Variants in ANXA4 observed in about 807,000 individuals in gnomAD.
The protein encoded by ANXA4 is 35-beta calcimedin.
ANXA4 carries 39 observed loss-of-function variants against 49.8 expected under a neutral mutation model. The ratio of observed to expected loss-of-function variants is 0.78; its 90% CI spans 0.61 to 1.02. The LOEUF (loss-of-function observed/expected upper bound fraction) is 1.02, where lower values mean the gene tolerates loss of function less well. Ranked by LOEUF, ANXA4 falls within the 50% of genes least tolerant of loss-of-function variation. The pLI is 0.00. For synonymous variants in ANXA4, 134 were observed against 152.5 expected (o/e 0.88, Z 0.89); for missense variants, 360 against 410.1 (o/e 0.88, Z 1.05).
intron 2 of ANXA4, among the ~76,000 whole-genome samples, chr2:69,668,942 T>C (rs1677046667): frequency 6.6e-6 from 1 of 152,006 alleles, no homozygotes; most frequent in Non-Finnish European, 1.5e-5. Context: ...TGAGCCTTTT[T>C]TTTTTTTTCT....
intron 3 of ANXA4, among the ~76,000 whole-genome samples, chr2:69,800,854 A>T (rs1285349711): frequency 6.6e-6 from 1 of 152,154 alleles, no homozygotes; most frequent in East Asian, 1.9e-4. Flanking sequence ...ACACACAAAG[A>T]GTGAGGTTAA....
At chr2:69,720,233 A>T (rs534342642) in intron 2 of ANXA4, among the ~76,000 whole-genome samples, 2 of 152,194 alleles carry the variant, frequency 1.3e-5, no homozygotes, top group East Asian at 3.9e-4. Context: ...CTCTGCCTTC[A>T]ATTTTCCCCT....
intron 2 of ANXA4, among the ~76,000 whole-genome samples, chr2:69,691,579 A>G (rs200710759): frequency 5.4e-5 from 6 of 111,792 alleles, no homozygotes; most frequent in African/African-American, 1.6e-4. Flanking sequence ...ACATGCACAC[A>G]CACACACACA....
intron 2 of ANXA4, among the ~76,000 whole-genome samples, chr2:69,783,427 G>A (rs980059848): frequency 4.6e-5 from 7 of 152,076 alleles, no homozygotes; most frequent in South Asian, 2.1e-4. Flanking sequence ...GTGTTGGCCA[G>A]GCTGGTCTCG....
intron 3 of ANXA4, among the ~76,000 whole-genome samples, chr2:69,722,842 A>G (rs1669848992): frequency 6.6e-6 from 1 of 152,122 alleles, no homozygotes; most frequent in African/African-American, 2.4e-5. Flanking sequence ...ACTAAAGACA[A>G]TAGAAAAAAG....
intron 3 of ANXA4, among the ~76,000 whole-genome samples, chr2:69,801,737 A>G (rs922163942): frequency 3.3e-5 from 5 of 152,032 alleles, no homozygotes; most frequent in Admixed American, 2.6e-4. Flanking sequence ...ATTTCTTTCT[A>G]TCTCCTGTAT....
intron 1 of ANXA4, among the ~76,000 whole-genome samples, chr2:69,779,471 T>G (rs1325056013): frequency 1.3e-5 from 2 of 152,090 alleles, no homozygotes; most frequent in African/African-American, 2.4e-5. Flanking sequence ...GATAAAGTCT[T>G]CCTTCCAGAC....
intron 8 of ANXA4, among the ~76,000 whole-genome samples, chr2:69,814,506 G>A (rs1392954361): frequency 6.6e-6 from 1 of 151,580 alleles, no homozygotes; most frequent in East Asian, 1.9e-4. Flanking sequence ...CATCATGCCT[G>A]GCTAAGTTTT....
intron 2 of ANXA4, chr2:69,674,032 C>T (rs1293463234): frequency 1.3e-5 from 2 of 151,622 alleles, no homozygotes; most frequent in Non-Finnish European, 2.9e-5. Flanking sequence ...CCTGCGGCCA[C>T]CCTGCGTGCC....
intron 1 of ANXA4, among the ~76,000 whole-genome samples, chr2:69,650,654 ATG>A (rs1553425987): frequency 2.0e-5 from 3 of 152,076 alleles, no homozygotes; most frequent in Non-Finnish European, 1.5e-5. Context: ...GGGTGTTTCT[ATG>A]TTGCCTAGTC....
chr2:69,740,278 A>G (rs955081086), upstream of ANXA4, among the ~76,000 whole-genome samples: 3 of 151,962 alleles, frequency 2.0e-5, no homozygotes, highest in Admixed American at 2.0e-4. Flanking sequence ...TCCTAGCCTC[A>G]AGCAACCACC....
At chr2:69,794,522 ATTATG>A (rs58396740) in intron 3 of ANXA4, among the ~76,000 whole-genome samples, 8,474 of 126,196 alleles carry the variant, frequency 0.067, 271 homozygotes, top group African/African-American at 0.095. Context: ...GTTATGTTAT[ATTATG>A]TTATGTTATG....
At chr2:69,771,551 A>G (rs1363317218) in intron 1 of ANXA4, among the ~76,000 whole-genome samples, 2 of 152,164 alleles carry the variant, frequency 1.3e-5, no homozygotes, top group East Asian at 3.8e-4. Flanking sequence ...CGCTTTCCAA[A>G]TGCTGGGTGA....
intron 2 of ANXA4, among the ~76,000 whole-genome samples, chr2:69,654,458 C>T (rs993885580): frequency 6.6e-5 from 10 of 152,168 alleles, no homozygotes; most frequent in African/African-American, 2.4e-4. Flanking sequence ...AGATACATTC[C>T]GTCAATACCT....
rs1558525063 is a variant in ANXA4 at position 69,816,196 on chromosome 2, T to G, written c.628+2T>G. ...GGAACCGAAATCACCTGTTGCATGG[T>G]AAGGCACTTACTTCATTTCCCAAAG... On this transcript the variant is annotated splice_donor_variant, in intron 9 of 12. Coordinates refer to ENST00000394295, the MANE Select transcript of ANXA4 (RefSeq NM_001153.5). LOFTEE classifies it high-confidence loss of function. 1 of 1,613,490 alleles carries G rather than the reference T, an allele frequency of 6.2e-7. No individual in the cohort carries two copies. The highest frequency in any genetic ancestry group is 8.5e-7 in the Non-Finnish European group (1 of 1,179,390).
At chr2:69,779,693 G>A (rs1672117530) in intron 1 of ANXA4, among the ~76,000 whole-genome samples, 1 of 152,186 alleles carries the variant, frequency 6.6e-6, no homozygotes, top group South Asian at 2.1e-4. Flanking sequence ...ACTTTCCACA[G>A]TATTCCCATG....
chr2:69,664,114 C>T (rs972934224), intron 2 of ANXA4, among the ~76,000 whole-genome samples: 1 of 152,156 alleles, frequency 6.6e-6, no homozygotes, highest in African/African-American at 2.4e-5. Flanking sequence ...AGTAGCAACA[C>T]ATGAAACTGA....
chr2:69,666,117 T>G (rs2105332596), intron 2 of ANXA4, among the ~76,000 whole-genome samples: 1 of 152,232 alleles, frequency 6.6e-6, no homozygotes, highest in African/African-American at 2.4e-5. Flanking sequence ...GGCAGGAGAA[T>G]CACTTGAACC....
At chr2:69,676,096 G>A (rs915806280) in intron 2 of ANXA4, among the ~76,000 whole-genome samples, 1 of 151,482 alleles carries the variant, frequency 6.6e-6, no homozygotes, top group African/African-American at 2.4e-5. Flanking sequence ...ATAAAAAGAA[G>A]TTTTAAAAAA....
Sources: gnomAD v4.1 joint callset for allele counts (sites outside exome capture counted in the v4.1 genomes callset) on GRCh38, gnomAD v4.1.1 for gene constraint, MANE v1.5 for transcripts, NCBI Gene and HGNC (gene_info 2026-07-23, HGNC 2026-07-21) for gene names.